The following NELFA variants were observed in gnomAD, a reference collection of about 807,000 sequenced individuals.
NELFA encodes the protein negative elongation factor complex member A, also known as negative elongation factor A.
Under a neutral mutation model 51.8 loss-of-function variants are expected in NELFA, and 35 were observed. The ratio of observed to expected loss-of-function variants is 0.68; its 90% CI spans 0.52 to 0.90. The LOEUF (loss-of-function observed/expected upper bound fraction) is 0.90, where lower values mean the gene tolerates loss of function less well. Among genes scored for constraint, NELFA ranks in the 40% least tolerant of loss-of-function variants. The pLI is 0.00. For synonymous variants in NELFA, 417 were observed against 338.4 expected (o/e 1.23, Z -2.55); for missense variants, 658 against 746.4 (o/e 0.88, Z 1.38).
intron 1 of NELFA, among the ~76,000 whole-genome samples, chr4:2,004,831 A>G (rs1018135968): frequency 3.4e-4 from 45 of 132,404 alleles, no homozygotes; most frequent in African/African-American, 1.2e-3. Flanking sequence ...TTTTGGAGAC[A>G]GAGTCTTGCT....
chr4:2,008,707 A>C, intron 1 of NELFA, 43 bp downstream of exon 1: 1 of 1,565,656 alleles, frequency 6.4e-7, no homozygotes, highest in South Asian at 1.2e-5. Flanking sequence ...GGAGGTGGGA[A>C]GGTTGGGAAT....
In NELFA at chr4:2,005,851, T is replaced by C. The variant is rs551548224; in HGVS notation, c.210+2899A>G. Among the ~76,000 whole-genome samples the C allele has an allele frequency of 7.2e-5, 11 of 151,972 alleles. No individual in the cohort carries two copies. The East Asian group carries it at 2.1e-3, about 29-fold the overall frequency. ...ATGAGATGGAAGACCCCTACAGAGATCACAAAGAACATCTAAATAGATAAG... is the reference window on the plus strand; with the variant it reads ...ATGAGATGGAAGACCCCTACAGAGACCACAAAGAACATCTAAATAGATAAG... On this transcript the variant is annotated intron_variant, in intron 1 of 10. Transcript: ENST00000382882.
intron 4 of NELFA, 154 bp downstream of exon 4, chr4:1,987,764 T>C (rs964357695): frequency 2.9e-5 from 18 of 619,354 alleles, no homozygotes; most frequent in Admixed American, 6.7e-5. Context: ...GCCGGTGAAA[T>C]TGCCCCAGTG....
chr4:1,996,025 A>G (rs1417839890), intron 1 of NELFA, among the ~76,000 whole-genome samples: 2 of 152,220 alleles, frequency 1.3e-5, no homozygotes, highest in African/African-American at 4.8e-5. Context: ...GATTTGTACA[A>G]CATGATTATA....
chr4:1,986,612 A>C (rs551760165), intron 4 of NELFA: 1 of 662,272 alleles, frequency 1.5e-6, no homozygotes, highest in East Asian at 3.0e-5. Context: ...CCAAGACACC[A>C]AACAAAGACA....
chr4:2,000,176 A>G (rs1362157761), intron 1 of NELFA, among the ~76,000 whole-genome samples: 2 of 152,210 alleles, frequency 1.3e-5, no homozygotes, highest in African/African-American at 4.8e-5. Context: ...AGCTAGAAAG[A>G]TCTCAATTAA....
At position 1,983,434 on chromosome 4, in the gene NELFA, T is replaced by C; in HGVS notation, c.1472A>G (p.Lys491Arg). 1 of 1,614,202 alleles carries C rather than the reference T, an allele frequency of 6.2e-7. No individual in the cohort carries two copies. Among genetic ancestry groups the C allele is most frequent in the Non-Finnish European group, 8.5e-7 (1 of 1,180,018 alleles). The change falls in exon 11 of 11, where the codon AAG becomes AGG. Residue 491 changes from lysine (K) to arginine (R), a missense_variant. Around this residue, in one of 3 missense-constraint regions of NELFA, gnomAD observed 87 missense variants for 130.2 expected, o/e 0.67. Coordinates refer to ENST00000382882, the MANE Select transcript of NELFA (RefSeq NM_005663.5). The stretch of plus-strand genomic sequence containing the variant: ...GGTTGTGCTACCCTGGCCGTCCGCC[T>C]TGGGCAGGTCCTCCGTGTGCTCGCT... Reference protein sequence around the residue: ...KLSEHTEDLPKADGQGSTTML... With the variant: ...KLSEHTEDLPRADGQGSTTML...
Position 1,983,340 on chromosome 4 carries a change from C to T in NELFA, c.1566G>A (p.Lys522=). The change falls in exon 11 of 11, where the codon AAG becomes AAA. Residue 522 remains lysine, a synonymous_variant. Transcript: ENST00000382882. Reference sequence around the variant, plus strand: ...GGTTCTAGGACACATTGGTCATGGGCTTGTACTTCTTGAAGCGCGTCCACT... The same window carrying T: ...GGTTCTAGGACACATTGGTCATGGGTTTGTACTTCTTGAAGCGCGTCCACT... The part of the protein sequence containing the change: ...TGQWTRFKKY[K]PMTNVS 1 of 1,614,156 alleles carries T rather than the reference C, an allele frequency of 6.2e-7. No individual in the cohort carries two copies. The highest frequency in any genetic ancestry group is 8.5e-7 in the Non-Finnish European group (1 of 1,179,994).
At chr4:1,985,390 G>C (rs913695158) in intron 7 of NELFA, among the ~76,000 whole-genome samples, 3 of 152,154 alleles carry the variant, frequency 2.0e-5, no homozygotes, top group Non-Finnish European at 4.4e-5. Context: ...CCCGCAGGCA[G>C]GGCCTGGTCT....
intron 6 of NELFA, 69 bp downstream of exon 6, chr4:1,986,045 A>G: frequency 1.3e-6 from 2 of 1,508,086 alleles, no homozygotes; most frequent in Non-Finnish European, 1.8e-6. Context: ...GCGTGGGCAC[A>G]ACCCACCCCA....
chr4:1,999,797 T>A (rs1370514053), intron 1 of NELFA, among the ~76,000 whole-genome samples: 1 of 152,192 alleles, frequency 6.6e-6, no homozygotes, highest in African/African-American at 2.4e-5. Flanking sequence ...CTAGTAGACA[T>A]CTACAGAACT....
intron 1 of NELFA, chr4:1,992,318 G>A (rs1389227397): frequency 1.2e-5 from 3 of 244,062 alleles, no homozygotes; most frequent in East Asian, 1.8e-4. Flanking sequence ...AGGTGGCCCC[G>A]GGATCTGGAG....
At chr4:1,996,788 C>T (rs901083314) in intron 1 of NELFA, among the ~76,000 whole-genome samples, 4 of 152,034 alleles carry the variant, frequency 2.6e-5, no homozygotes, top group Non-Finnish European at 2.9e-5. Flanking sequence ...AAAAATTAGC[C>T]GGGAATGGTG....
At chr4:1,990,586 T>G in intron 2 of NELFA, 2 of 447,188 alleles carry the variant, frequency 4.5e-6, no homozygotes, top group Admixed American at 4.7e-5. Flanking sequence ...GAGGTGCCAC[T>G]TGCAGGGGGG....
intron 1 of NELFA, among the ~76,000 whole-genome samples, chr4:1,996,627 G>A (rs1728430249): frequency 6.6e-6 from 1 of 152,174 alleles, no homozygotes; most frequent in African/African-American, 2.4e-5. Context: ...ACATGCTTCT[G>A]ACATTTAAAA....
intron 10 of NELFA, 42 bp downstream of exon 10, chr4:1,983,554 A>G (rs1421989490): frequency 1.2e-6 from 2 of 1,611,994 alleles, no homozygotes; most frequent in South Asian, 1.1e-5. Flanking sequence ...CCCGCCCCCA[A>G]CCCGGCCCGG....
In NELFA at chr4:1,983,907, C is replaced by G. The variant is rs775147428; in HGVS notation, c.1243G>C (p.Val415Leu). ...PTTQTPPVAM[V>L]APQTQAPAQQ... ...GCAGGGGCCTGGGTCTGCGGGGCCA[C>G]CATGGCAACCGGGGGTGTCTGAGTG... Residue 415 changes from valine to leucine, a missense_variant, in exon 9 of 11, where the codon GTG (valine) becomes CTG (leucine). By Grantham distance (32) the Val-to-Leu change is conservative. This residue lies in a region of NELFA where 200 missense variants were observed against 167.9 expected (regional missense o/e 1.19). Coordinates refer to ENST00000382882, the MANE Select transcript of NELFA (RefSeq NM_005663.5). The G allele has an allele frequency of 6.2e-7, 1 of 1,604,246 alleles. No individual in the cohort carries two copies. Among genetic ancestry groups the G allele is most frequent in the Admixed American group, 1.7e-5 (1 of 58,754 alleles).
At position 1,989,296 on chromosome 4, in the gene NELFA, G is replaced by A. The variant is rs977644568; in HGVS notation, c.544+412C>T. On this transcript the variant is annotated intron_variant, in intron 3 of 10. Coordinates refer to ENST00000382882, the MANE Select transcript of NELFA (RefSeq NM_005663.5). This position sits in a 1 kb window ranked among gnomAD's most constrained non-coding sequence, Gnocchi z 4.8. ...TTTTCAGAACATAAAGTTTAATATA[G>A]TGATAAACTTCTAACAAAAAACTTT... 1.3e-5 allele frequency among the ~76,000 whole-genome samples: 2 copies of A among 151,896 alleles called. No individual in the cohort carries two copies. Among genetic ancestry groups the A allele is most frequent in the African/African-American group, 2.4e-5 (1 of 41,334 alleles).
At position 1,983,920 on chromosome 4, in the gene NELFA, G is replaced by C. The variant is rs755445177; in HGVS notation, c.1230C>G (p.Pro410=). 1.2e-6 allele frequency: 2 copies of C among 1,608,426 alleles called. No individual in the cohort carries two copies. Among genetic ancestry groups the C allele is most frequent in the South Asian group, 1.1e-5 (1 of 90,338 alleles). Residue 410 remains proline (P), a synonymous_variant, in exon 9 of 11, where the codon CCC becomes CCG. Transcript: ENST00000382882. ...PPAVAPTTQT[P]PVAMVAPQTQ... is the part of the protein sequence containing the mutation. ...TCTGCGGGGCCACCATGGCAACCGG[G>C]GGTGTCTGAGTGGTAGGGGCGACAG... is the stretch of plus-strand genomic sequence containing the variant.
Sources: allele counts gnomAD v4.1 joint callset (sites outside exome capture counted in the v4.1 genomes callset), GRCh38; gene constraint gnomAD v4.1.1; regional missense constraint gnomAD v4.1.1; non-coding constraint Gnocchi (gnomAD v3.1); transcripts MANE v1.5; gene names NCBI Gene and HGNC (gene_info 2026-07-23, HGNC 2026-07-21).